UBR1: variants seen among roughly 807,000 people sequenced by gnomAD.
The protein encoded by UBR1 is ubiquitin protein ligase E3 component n-recognin 1.
A neutral mutation model predicts 242.1 loss-of-function variants in UBR1; 102 were observed. The observed-to-expected ratio is 0.42, with a 90% CI of 0.36 to 0.50. The LOEUF (loss-of-function observed/expected upper bound fraction) is 0.50, where lower values mean the gene tolerates loss of function less well. UBR1 is among the 20% of genes least tolerant of loss of function. UBR1 has a pLI of 0.01. For missense variants in UBR1, 1,772 were observed against 2,101.8 expected (o/e 0.84, Z 3.07); for synonymous variants, 675 against 684.8 (o/e 0.99, Z 0.22).
intron 5 of UBR1, among the ~76,000 whole-genome samples, chr15:43,068,247 G>A (rs1180429291): frequency 7.2e-6 from 1 of 138,978 alleles, no homozygotes; most frequent in Non-Finnish European, 1.5e-5. Context: ...GGAGTGCAGT[G>A]ACGCAACCTC....
rs1398593633 is a variant in UBR1 at position 43,105,945 on chromosome 15, T to C, written c.78A>G (p.Ala26=). 2.5e-6 allele frequency: 4 copies of C among 1,613,792 alleles called. No individual in the cohort carries two copies. In the Admixed American group the frequency reaches 6.7e-5, roughly 27 times the overall value. The change falls in exon 1 of 47, where the codon GCA becomes GCG. Residue 26 remains alanine (A), a synonymous_variant. Coordinates refer to ENST00000290650, the MANE Select transcript of UBR1 (RefSeq NM_174916.3). The stretch of plus-strand genomic sequence containing the variant: ...AGACTTGCCTATAGGGACTTACAGA[T>C]GCCAGACGCTGAGGGGTCTGGGGTA... ...AELPQTPQRL[A]SWWDQQVDFY... is the part of the protein sequence containing the mutation.
At chr15:42,952,673 T>C (rs2031853708) in intron 44 of UBR1, among the ~76,000 whole-genome samples, 1 of 152,228 alleles carries the variant, frequency 6.6e-6, no homozygotes, top group Non-Finnish European at 1.5e-5. Context: ...AGAAAATCTA[T>C]ATTACATAAA....
At chr15:43,013,618 C>T (rs575498988) in intron 29 of UBR1, among the ~76,000 whole-genome samples, 1 of 152,268 alleles carries the variant, frequency 6.6e-6, no homozygotes, top group East Asian at 1.9e-4. Context: ...CCTAAAAGTG[C>T]TAATGCACAC....
Position 43,059,883 on chromosome 15 carries a change from G to A in UBR1, c.862-58C>T, listed in dbSNP as rs989803522. 1.4e-5 allele frequency: 22 copies of A among 1,599,222 alleles called. No individual in the cohort carries two copies. The Admixed American group carries it at 1.5e-4, about 11-fold the overall frequency. On this transcript the variant is annotated intron_variant, in intron 7 of 46. Coordinates refer to ENST00000290650, the MANE Select transcript of UBR1 (RefSeq NM_174916.3). ...CATTTAAAATTTGCTTTTAGTTAAGGGATTTATACTTCAAATGAAGAAATC... is the reference window on the plus strand; with the variant it reads ...CATTTAAAATTTGCTTTTAGTTAAGAGATTTATACTTCAAATGAAGAAATC...
intron 46 of UBR1, among the ~76,000 whole-genome samples, chr15:42,945,929 C>A (rs559224922): frequency 6.6e-6 from 1 of 152,122 alleles, no homozygotes; most frequent in South Asian, 2.1e-4. Context: ...CCTTACGATA[C>A]AAAAAACTGG....
intron 29 of UBR1, among the ~76,000 whole-genome samples, chr15:43,012,433 T>C (rs1263308026): frequency 6.6e-6 from 1 of 152,208 alleles, no homozygotes; most frequent in African/African-American, 2.4e-5. Context: ...TAATTTGTAA[T>C]CATGGTTATG....
At chr15:42,988,597 T>C in intron 35 of UBR1, 1 of 584,170 alleles carries the variant, frequency 1.7e-6, no homozygotes. Flanking sequence ...AAAATATTTT[T>C]TTTAACTTAT....
chr15:43,090,435 T>G (rs1826824837), intron 1 of UBR1, among the ~76,000 whole-genome samples: 1 of 152,088 alleles, frequency 6.6e-6, no homozygotes, highest in Non-Finnish European at 1.5e-5. Flanking sequence ...AAATTAAAAT[T>G]TATTTTACTA....
chr15:43,054,293 G>C (rs1436156707), intron 12 of UBR1, among the ~76,000 whole-genome samples: 3 of 151,960 alleles, frequency 2.0e-5, no homozygotes, highest in Non-Finnish European at 2.9e-5. Context: ...TGAGGCTTCA[G>C]TGAGCCATGT....
chr15:43,036,834 A>G (rs756991029), intron 17 of UBR1, among the ~76,000 whole-genome samples: 9 of 152,176 alleles, frequency 5.9e-5, no homozygotes, highest in Non-Finnish European at 7.4e-5. Flanking sequence ...GTCATGTATA[A>G]CAAGAGAATT....
At chr15:42,985,220 G>C (rs990044468) in intron 35 of UBR1, among the ~76,000 whole-genome samples, 2 of 152,078 alleles carry the variant, frequency 1.3e-5, no homozygotes, top group African/African-American at 2.4e-5. Flanking sequence ...AAGCAGCCTG[G>C]ACTGCTTCTT....
In UBR1 at chr15:42,983,935, T is replaced by C. The variant is rs1221457511; in HGVS notation, c.4112A>G (p.Gln1371Arg). Residue 1371 changes from glutamine (Q) to arginine (R), a missense_variant, in exon 37 of 47, where the codon CAG becomes CGG. Gln to Arg is a conservative substitution (Grantham distance 43). Coordinates refer to ENST00000290650, the MANE Select transcript of UBR1 (RefSeq NM_174916.3). ...FAVAQRITCP[Q>R]VLIQKHLVRL... is the part of the protein sequence containing the mutation. ...AACCAGATGTTTCTGTATCAGGACC[T>C]GAGGACAGGTAATCCTCTGTGCAAC... The C allele has an allele frequency of 2.5e-6, 4 of 1,613,282 alleles. No homozygotes were observed. Among genetic ancestry groups the C allele is most frequent in the Middle Eastern group, 1.7e-4 (1 of 6,054 alleles).
At chr15:43,071,374 A>G (rs1027823526) in intron 4 of UBR1, among the ~76,000 whole-genome samples, 1 of 152,226 alleles carries the variant, frequency 6.6e-6, no homozygotes, top group Admixed American at 6.5e-5. Context: ...GACAAATACT[A>G]TATGATTCTG....
rs1269231767 is a variant in UBR1 at position 42,942,956 on chromosome 15, GT to G, written c.*2372del. ...TAAAAAGCACAAGAACATTATACAA[GT>G]TTTAAATTTACATTTTTGCAATAAA... On this transcript the variant is annotated 3_prime_UTR_variant, in exon 47 of 47. Coordinates refer to ENST00000290650, the MANE Select transcript of UBR1 (RefSeq NM_174916.3). The G allele has an allele frequency of 6.6e-6, 1 of 152,458 alleles. No individual in the cohort carries two copies. The highest frequency in any genetic ancestry group is 6.6e-5 in the Admixed American group (1 of 15,262). The allele number at this position is 152,458 out of a possible 1,614,324, so 9.4% of individuals were successfully genotyped here. A position where few individuals can be genotyped will look rare whatever the true frequency, so the allele number is the denominator to read the frequency against.
intron 29 of UBR1, among the ~76,000 whole-genome samples, chr15:43,009,803 T>C (rs530086125): frequency 1.2e-4 from 18 of 152,338 alleles, no homozygotes; most frequent in Admixed American, 4.6e-4. Flanking sequence ...TAGTATATCA[T>C]TGAACAATAA....
chr15:42,984,707 C>T (rs1282232264), intron 36 of UBR1, among the ~76,000 whole-genome samples, 180 bp downstream of exon 36: 1 of 152,160 alleles, frequency 6.6e-6, no homozygotes, highest in Non-Finnish European at 1.5e-5. Context: ...TGAGTAAGCG[C>T]TGTAAAGTGC....
At chr15:42,950,221 GA>G (rs2031809271) in intron 46 of UBR1, 40 bp downstream of exon 46, 1 of 1,476,116 alleles carries the variant, frequency 6.8e-7, no homozygotes, top group African/African-American at 1.4e-5. Context: ...ACATAAAAGA[GA>G]ACTTACTGAA....
At chr15:42,995,592 C>T (rs948038908) in intron 33 of UBR1, among the ~76,000 whole-genome samples, 2 of 151,838 alleles carry the variant, frequency 1.3e-5, no homozygotes, top group Non-Finnish European at 2.9e-5. Flanking sequence ...CGCGTGAACC[C>T]GGGAGGTGGA....
intron 1 of UBR1, among the ~76,000 whole-genome samples, chr15:43,099,091 C>G (rs2034195665): frequency 6.6e-6 from 1 of 152,174 alleles, no homozygotes; most frequent in Admixed American, 6.5e-5. Flanking sequence ...AATCCCAGCA[C>G]TTTGGGAGGC....
Sources: gnomAD v4.1 joint callset for allele counts (sites outside exome capture counted in the v4.1 genomes callset) on GRCh38, gnomAD v4.1.1 for gene constraint, MANE v1.5 for transcripts, NCBI Gene and HGNC (gene_info 2026-07-23, HGNC 2026-07-21) for gene names.